The following ALK variants were observed in gnomAD, a reference collection of about 807,000 sequenced individuals.
ALK encodes ALK tyrosine kinase receptor.
A neutral mutation model predicts 163.1 loss-of-function variants in ALK; 74 were observed. That is an observed-to-expected ratio of 0.45 (90% CI 0.38 to 0.55). The LOEUF (loss-of-function observed/expected upper bound fraction) is 0.55, where lower values mean the gene tolerates loss of function less well. Ranked by LOEUF, ALK falls within the 20% of genes least tolerant of loss-of-function variation. The pLI is 0.00. For missense variants in ALK, 2,063 were observed against 2,105.3 expected, an observed-to-expected ratio of 0.98 and a Z score of 0.39; for synonymous variants, 960 against 843.2, an observed-to-expected ratio of 1.14 and a Z score of -2.40.
intron 1 of ALK, among the ~76,000 whole-genome samples, chr2:29,865,315 T>C (rs927919564): frequency 6.6e-6 from 1 of 152,198 alleles, no homozygotes; most frequent in African/African-American, 2.4e-5. Flanking sequence ...TGCTAGGACA[T>C]AGGCTGTCCC....
chr2:29,420,070 T>A (rs1194204555), intron 4 of ALK, among the ~76,000 whole-genome samples: 1 of 148,144 alleles, frequency 6.8e-6, no homozygotes, highest in Non-Finnish European at 1.5e-5. Flanking sequence ...GGCAGGAGGA[T>A]CGCTTGAATT....
intron 13 of ALK, 33 bp downstream of exon 13, chr2:29,239,647 T>G: frequency 1.2e-6 from 2 of 1,612,128 alleles, no homozygotes; most frequent in South Asian, 2.2e-5. Flanking sequence ...CCTGACAGAG[T>G]GCAGACGAGA....
intron 1 of ALK, among the ~76,000 whole-genome samples, chr2:29,788,796 G>C (rs1664111067): frequency 6.6e-6 from 1 of 152,178 alleles, no homozygotes; most frequent in African/African-American, 2.4e-5. Context: ...ACCCATTATA[G>C]CTGAACCTCA....
chr2:29,709,463 C>T (rs1275021832), intron 2 of ALK, among the ~76,000 whole-genome samples: 1 of 152,120 alleles, frequency 6.6e-6, no homozygotes, highest in Non-Finnish European at 1.5e-5. Context: ...CTATTGAGTA[C>T]ACAATGAGTA....
At chr2:29,635,558 G>A (rs536541923) in intron 3 of ALK, among the ~76,000 whole-genome samples, 1 of 152,154 alleles carries the variant, frequency 6.6e-6, no homozygotes, top group African/African-American at 2.4e-5. Flanking sequence ...TGGCTCTGCT[G>A]ACACTTTGAT....
At chr2:29,590,695 C>T (rs116782423) in intron 3 of ALK, among the ~76,000 whole-genome samples, 2,190 of 152,104 alleles carry the variant, frequency 0.014, 76 homozygotes, top group African/African-American at 0.05. Flanking sequence ...ATCCTCTTAC[C>T]CCCATCCTGC....
intron 1 of ALK, among the ~76,000 whole-genome samples, chr2:29,873,484 G>A (rs973993768): frequency 6.6e-6 from 1 of 152,110 alleles, no homozygotes; most frequent in African/African-American, 2.4e-5. Flanking sequence ...AATGGTGATG[G>A]GGGACAGTGA....
chr2:29,349,304 C>T (rs1293167437), intron 5 of ALK, among the ~76,000 whole-genome samples: 1 of 152,136 alleles, frequency 6.6e-6, no homozygotes, highest in Non-Finnish European at 1.5e-5. Context: ...GACTGGTGTT[C>T]TTGACAATAG....
chr2:29,264,591 A>G (rs1337889973), intron 11 of ALK, among the ~76,000 whole-genome samples: 3 of 152,236 alleles, frequency 2.0e-5, no homozygotes, highest in Non-Finnish European at 4.4e-5. Flanking sequence ...AAACAGCACT[A>G]GTCACAGAGA....
intron 2 of ALK, among the ~76,000 whole-genome samples, chr2:29,707,534 T>C (rs1302556236): frequency 6.6e-6 from 1 of 152,138 alleles, no homozygotes; most frequent in Non-Finnish European, 1.5e-5. Flanking sequence ...TTTGAACAGA[T>C]AGTAAGGGTT....
chr2:29,426,030 C>T (rs866182745), intron 4 of ALK, among the ~76,000 whole-genome samples: 13 of 152,128 alleles, frequency 8.5e-5, no homozygotes, highest in Admixed American at 2.0e-4. Flanking sequence ...CAGACTGTGG[C>T]GCAACATTTA....
chr2:29,408,518 A>C (rs1669648638), intron 4 of ALK, among the ~76,000 whole-genome samples: 1 of 152,174 alleles, frequency 6.6e-6, no homozygotes, highest in South Asian at 2.1e-4. Context: ...AGTCACCCTG[A>C]ACCAATCTGC....
chr2:29,760,158 T>C (rs1309719413), intron 1 of ALK, among the ~76,000 whole-genome samples: 2 of 152,100 alleles, frequency 1.3e-5, no homozygotes, highest in African/African-American at 4.8e-5. Flanking sequence ...GTCTAGCCAG[T>C]GCCCCCCTAC....
At chr2:29,680,755 T>C (rs1678040335) in intron 3 of ALK, among the ~76,000 whole-genome samples, 1 of 152,150 alleles carries the variant, frequency 6.6e-6, no homozygotes, top group South Asian at 2.1e-4. Context: ...ATTATTTCTT[T>C]GTATATATTC....
intron 23 of ALK, among the ~76,000 whole-genome samples, chr2:29,216,513 C>T (rs1190176076): frequency 2.0e-5 from 3 of 152,184 alleles, no homozygotes; most frequent in Admixed American, 6.5e-5. Flanking sequence ...TTATGGCCCC[C>T]TGTCCTTGGC....
chr2:29,509,105 G>A (rs933991186), intron 4 of ALK, among the ~76,000 whole-genome samples: 2 of 152,200 alleles, frequency 1.3e-5, no homozygotes, highest in Admixed American at 6.5e-5. Context: ...ATGGTCATGT[G>A]TGGAGGCTTT....
At chr2:29,392,157 A>T (rs578051230) in intron 4 of ALK, among the ~76,000 whole-genome samples, 9 of 152,196 alleles carry the variant, frequency 5.9e-5, no homozygotes, top group Non-Finnish European at 1.3e-4. Context: ...CCCATTCCAG[A>T]CATAAAGGTT....
chr2:29,856,369 A>G (rs1382085049), intron 1 of ALK, among the ~76,000 whole-genome samples: 1 of 152,250 alleles, frequency 6.6e-6, no homozygotes, highest in African/African-American at 2.4e-5. Context: ...AGTGTTCAGT[A>G]AAATTACCCG....
intron 3 of ALK, among the ~76,000 whole-genome samples, chr2:29,646,556 C>G (rs980098778): frequency 1.3e-5 from 2 of 152,218 alleles, no homozygotes; most frequent in Admixed American, 6.5e-5. Flanking sequence ...TACAGCCTGC[C>G]CTGAAGCCTC....
Sources: gnomAD v4.1 joint callset for allele counts (sites outside exome capture counted in the v4.1 genomes callset) on GRCh38, gnomAD v4.1.1 for gene constraint, MANE v1.5 for transcripts, NCBI Gene and HGNC (gene_info 2026-07-23, HGNC 2026-07-21) for gene names.